The following ZRSR2 variants were observed in gnomAD, a reference collection of about 807,000 sequenced individuals.
ZRSR2 encodes the protein zinc finger CCCH-type, RNA binding motif and serine/arginine rich 2.
In ZRSR2, 3 loss-of-function variants were observed where a neutral mutation model predicts 39.4. The ratio of observed to expected loss-of-function variants is 0.08; its 90% confidence interval spans 0.03 to 0.20. ZRSR2 has a LOEUF of 0.20. ZRSR2 is among the 10% of genes least tolerant of loss of function. The pLI is 1.00. For missense variants in ZRSR2, 256 were observed against 391.5 expected, an observed-to-expected ratio of 0.65 and a Z score of 2.92; for synonymous variants, 137 against 136.0, an observed-to-expected ratio of 1.01 and a Z score of -0.05.
At chrX:15,807,133 G>A (rs964673137) in intron 5 of ZRSR2, among the ~76,000 whole-genome samples, 1 of 111,844 alleles carries the variant, frequency 8.9e-6, no homozygotes, top group Non-Finnish European at 1.9e-5. Context: ...TGCCAATTAG[G>A]TAGAAATTTA....
At chrX:15,808,103 C>G in intron 5 of ZRSR2, 130 bp from the exon 6 acceptor site, 1 of 592,070 alleles carries the variant, frequency 1.7e-6, no homozygotes, top group Non-Finnish European at 2.8e-6. Context: ...ATCTGTGATT[C>G]AAAAGAAAAC....
chrX:15,790,835 A>C (rs1218194670), intron 1 of ZRSR2, 99 bp from the exon 2 acceptor site: 1 of 845,275 alleles, frequency 1.2e-6, no homozygotes, highest in Non-Finnish European at 1.7e-6. Context: ...TCTCCTCAGC[A>C]CCCGAACTAT....
At chrX:15,791,220 A>G (rs1270439205) in intron 2 of ZRSR2, among the ~76,000 whole-genome samples, 1 of 112,105 alleles carries the variant, frequency 8.9e-6, no homozygotes, top group Non-Finnish European at 1.9e-5. Flanking sequence ...TTGGTGAATG[A>G]TCGCCCACTG....
Position 15,799,902 on chromosome X carries a change from C to T in ZRSR2, c.152C>T (p.Thr51Ile). The T allele has an allele frequency of 8.3e-7, 1 of 1,204,465 alleles. No homozygotes were observed. The highest frequency in any genetic ancestry group is 1.1e-6 in the Non-Finnish European group (1 of 890,647). The change falls in exon 3 of 11, where the codon ACT (threonine) becomes ATT (isoleucine). Residue 51 changes from threonine to isoleucine, a missense_variant. Thr to Ile is a moderately conservative substitution (Grantham distance 89). Transcript: ENST00000307771. Reference protein sequence around the residue: ...GLSQKEEEEDTFIEEQQLEEE... With the variant: ...GLSQKEEEEDIFIEEQQLEEE... ...TCACAGAAGGAGGAAGAGGAGGACACTTTTATTGAAGAACAACAACTAGAA... is the reference window on the plus strand; with the variant it reads ...TCACAGAAGGAGGAAGAGGAGGACATTTTTATTGAAGAACAACAACTAGAA...
intron 7 of ZRSR2, among the ~76,000 whole-genome samples, chrX:15,811,432 CCT>C (rs1932880694): frequency 1.1e-5 from 1 of 90,722 alleles, no homozygotes; most frequent in African/African-American, 4.2e-5. Flanking sequence ...CACCCCCCCC[CCT>C]TTTTTTTTTG....
intron 4 of ZRSR2, among the ~76,000 whole-genome samples, 153 bp downstream of exon 4, chrX:15,803,949 GA>G (rs369783360): frequency 1.2e-3 from 58 of 46,563 alleles, no homozygotes; most frequent in Non-Finnish European, 9.1e-4. Context: ...ATCTCAAAAA[GA>G]AAAAAAAAAA....
intron 2 of ZRSR2, among the ~76,000 whole-genome samples, chrX:15,795,101 T>G (rs1932408409): frequency 1.5e-5 from 1 of 67,844 alleles, no homozygotes. Flanking sequence ...CCCCCCCCCA[T>G]ATTTACAATC....
chrX:15,791,678 A>G (rs770641660), intron 2 of ZRSR2, among the ~76,000 whole-genome samples: 1 of 78,279 alleles, frequency 1.3e-5, no homozygotes, highest in Non-Finnish European at 2.3e-5. Context: ...TTTTTTTGAG[A>G]CGGAGTCTCG....
At chrX:15,793,848 C>G (rs911251632) in intron 2 of ZRSR2, among the ~76,000 whole-genome samples, 1 of 112,384 alleles carries the variant, frequency 8.9e-6, no homozygotes, top group Non-Finnish European at 1.9e-5. Context: ...AGGAACACTG[C>G]TGTTTATTGT....
At chrX:15,815,406 C>T (rs897620675) in intron 7 of ZRSR2, among the ~76,000 whole-genome samples, 9 of 112,601 alleles carry the variant, frequency 8.0e-5, no homozygotes, top group African/African-American at 2.9e-4. Context: ...AAGTGATTCT[C>T]CTACCTCAGC....
chrX:15,815,507 A>G (rs1278079552), intron 7 of ZRSR2, among the ~76,000 whole-genome samples, 170 bp from the exon 8 acceptor site: 2 of 112,388 alleles, frequency 1.8e-5, no homozygotes, highest in Non-Finnish European at 3.8e-5. Flanking sequence ...GGGTTTCACC[A>G]TGTTAGCCAG....
intron 8 of ZRSR2, 64 bp from the exon 9 acceptor site, chrX:15,818,523 A>G (rs1392704045): frequency 2.7e-5 from 27 of 1,015,727 alleles, no homozygotes; most frequent in Non-Finnish European, 3.6e-5. Flanking sequence ...GACAAACAAC[A>G]TTTGATGAAT....
At chrX:15,802,384 C>T (rs976285092) in intron 3 of ZRSR2, among the ~76,000 whole-genome samples, 1 of 112,537 alleles carries the variant, frequency 8.9e-6, no homozygotes, top group Admixed American at 9.4e-5. Flanking sequence ...ATGTCTGAGA[C>T]ACTTGCCACT....
chrX:15,814,091 A>AG (rs1416862787), intron 7 of ZRSR2, among the ~76,000 whole-genome samples: 4 of 110,095 alleles, frequency 3.6e-5, no homozygotes, highest in African/African-American at 1.3e-4. Context: ...AAAAAAAAAA[A>AG]AAAGTTTTTG....
chrX:15,815,707 C>T lies in ZRSR2; in HGVS notation c.588C>T (p.Ser196=). The T allele has an allele frequency of 8.3e-7, 1 of 1,205,917 alleles. No individual in the cohort carries two copies. The highest frequency in any genetic ancestry group is 1.1e-6 in the Non-Finnish European group (1 of 892,222). ...CACGTAAACATAATTTCCCAACATC[C>T]AGTCCTACCCTTCTTATTAAGAGCA... ...RCSRKHNFPT[S]SPTLLIKSMF... The change falls in exon 8 of 11, where the codon TCC becomes TCT. Residue 196 remains serine (S), a synonymous_variant. Coordinates refer to ENST00000307771, the MANE Select transcript of ZRSR2 (RefSeq NM_005089.4).
At chrX:15,808,756 G>A (rs1932837249) in intron 6 of ZRSR2, among the ~76,000 whole-genome samples, 1 of 109,347 alleles carries the variant, frequency 9.1e-6, no homozygotes, top group South Asian at 3.9e-4. Flanking sequence ...CAAGTAGCTG[G>A]GATTATAGGT....
intron 7 of ZRSR2, among the ~76,000 whole-genome samples, chrX:15,814,324 C>T (rs1932929673): frequency 8.9e-6 from 1 of 111,845 alleles, no homozygotes; most frequent in Admixed American, 9.5e-5. Context: ...GGTTGGCCAC[C>T]TTCATTAAAT....
At chrX:15,816,100 C>A (rs763333799) in intron 8 of ZRSR2, among the ~76,000 whole-genome samples, 1 of 112,135 alleles carries the variant, frequency 8.9e-6, no homozygotes, top group South Asian at 3.7e-4. Context: ...CATGGTATTT[C>A]CTGAATGCTA....
intron 2 of ZRSR2, among the ~76,000 whole-genome samples, chrX:15,793,307 A>T (rs1349972233): frequency 9.1e-6 from 1 of 109,680 alleles, no homozygotes; most frequent in Non-Finnish European, 1.9e-5. Flanking sequence ...CTTTTTACTT[A>T]GCAAAATGTG....
Sources: gnomAD v4.1 joint callset for allele counts (sites outside exome capture counted in the v4.1 genomes callset) on GRCh38, gnomAD v4.1.1 for gene constraint, MANE v1.5 for transcripts, NCBI Gene and HGNC (gene_info 2026-07-23, HGNC 2026-07-21) for gene names.